Variants in FAM118B observed in about 807,000 individuals in gnomAD.
The protein encoded by FAM118B is protein FAM118B.
In FAM118B, 24 loss-of-function variants were observed where a neutral mutation model predicts 38.5. That is an observed-to-expected ratio of 0.62 (90% CI 0.45 to 0.88). The LOEUF is 0.88. Ranked by LOEUF, FAM118B falls within the 40% of genes least tolerant of loss-of-function variation. The probability of loss-of-function intolerance (pLI) is 0.00; values close to 1 mark genes in which losing one functional copy is unlikely to be tolerated. For synonymous variants in FAM118B, 138 were observed against 156.3 expected, an observed-to-expected ratio of 0.88 and a Z score of 0.87; for missense variants, 334 against 420.0, an observed-to-expected ratio of 0.80 and a Z score of 1.79.
chr11:126,261,317 A>G, intron 7 of FAM118B, 108 bp from the exon 8 acceptor site: 1 of 822,314 alleles, frequency 1.2e-6, no homozygotes, highest in Non-Finnish European at 2.0e-6. Flanking sequence ...CTAAATGCCC[A>G]TTCCTTTTCA....
Position 126,244,833 on chromosome 11 carries a change from T to A in FAM118B, c.339+3789T>A, listed in dbSNP as rs563626376. Among the ~76,000 whole-genome samples the A allele has an allele frequency of 6.6e-6, 1 of 152,144 alleles. No individual in the cohort carries two copies. The highest frequency in any genetic ancestry group is 2.4e-5 in the African/African-American group (1 of 41,498). ...AATAAATAAATAAGTGGAGAACTTA[T>A]GCTTTGAAAACTACAAAACACTGAA... On this transcript the variant is annotated intron_variant, in intron 4 of 8. Transcript: ENST00000533050. This position sits in a 1 kb window ranked among gnomAD's most constrained non-coding sequence, Gnocchi z 4.5.
intron 2 of FAM118B, among the ~76,000 whole-genome samples, chr11:126,231,141 A>G (rs1242438517): frequency 6.6e-6 from 1 of 152,102 alleles, no homozygotes; most frequent in Admixed American, 6.6e-5. Flanking sequence ...CTCATCTTTT[A>G]CCAAGTATCT....
Position 126,244,512 on chromosome 11 carries a change from A to G in FAM118B, c.339+3468A>G, listed in dbSNP as rs1950397117. 6.6e-6 allele frequency among the ~76,000 whole-genome samples: 1 copy of G among 152,246 alleles called. No homozygotes were observed. The highest frequency in any genetic ancestry group is 1.9e-4 in the East Asian group (1 of 5,200). ...TAGCTAGGAATAAATTTAACGAAAG[A>G]AGTACAGAAGGCTAGGCGTGGTGGC... On this transcript the variant is annotated intron_variant, in intron 4 of 8. Transcript: ENST00000533050. This position sits in a 1 kb window ranked among gnomAD's most constrained non-coding sequence, Gnocchi z 4.5.
chr11:126,235,493 G>A (rs1378781655), intron 3 of FAM118B, among the ~76,000 whole-genome samples: 1 of 150,570 alleles, frequency 6.6e-6, no homozygotes, highest in African/African-American at 2.4e-5. Flanking sequence ...CCATGTTCTT[G>A]TATGTTTGTG....
chr11:126,235,750 A>AC (rs1950266009), intron 3 of FAM118B, among the ~76,000 whole-genome samples: 1 of 152,020 alleles, frequency 6.6e-6, no homozygotes, highest in African/African-American at 2.4e-5. Context: ...CGAACCCCTG[A>AC]CCTCGTGATC....
At chr11:126,224,824 T>C (rs1950118531) in intron 1 of FAM118B, among the ~76,000 whole-genome samples, 1 of 152,154 alleles carries the variant, frequency 6.6e-6, no homozygotes, top group Non-Finnish European at 1.5e-5. Context: ...TAGGAATGCG[T>C]TTCTCCTCAG....
In FAM118B at chr11:126,250,697, A is replaced by G. The variant is rs761597883; in HGVS notation, c.531A>G (p.Lys177=). The G allele has an allele frequency of 2.5e-6, 4 of 1,614,106 alleles. No homozygotes were observed. ...LLELYAADQG[K]QLESLDLTDE... Reference sequence around the variant, plus strand: ...AACTGTATGCAGCAGATCAGGGGAAACAGCTTGAATCCCTTGACCTTACTG... The same window carrying G: ...AACTGTATGCAGCAGATCAGGGGAAGCAGCTTGAATCCCTTGACCTTACTG... The change falls in exon 5 of 9, where the codon AAA becomes AAG. Residue 177 remains lysine, a synonymous_variant. Coordinates refer to ENST00000533050, the MANE Select transcript of FAM118B (RefSeq NM_024556.4). The surrounding 1 kb of genome is among the most constrained non-coding windows in gnomAD (Gnocchi z 5.1).
chr11:126,235,825 A>C (rs1480401114), intron 3 of FAM118B, among the ~76,000 whole-genome samples: 1 of 140,118 alleles, frequency 7.1e-6, no homozygotes, highest in Non-Finnish European at 1.5e-5. Context: ...GGCCTGGTTC[A>C]ATCCACTTTT....
Position 126,255,490 on chromosome 11 carries a change from T to TC in FAM118B, c.696+1057_696+1058insC, listed in dbSNP as rs1565340074. ...CTGTGTTTTTGTGTGTGTATATGTA[T>TC]ACACACACACACACATACTGATGTT... On this transcript the variant is annotated intron_variant, in intron 6 of 8. Coordinates refer to ENST00000533050, the MANE Select transcript of FAM118B (RefSeq NM_024556.4). The surrounding 1 kb of genome is among the most constrained non-coding windows in gnomAD (Gnocchi z 4.6). Among the ~76,000 whole-genome samples the TC allele has an allele frequency of 6.6e-6, 1 of 151,616 alleles. No homozygotes were observed. Among genetic ancestry groups the TC allele is most frequent in the African/African-American group, 2.4e-5 (1 of 41,280 alleles).
Position 126,249,731 on chromosome 11 carries a change from CAAAAAAAAAA to C in FAM118B, c.340-761_340-752del, listed in dbSNP as rs71048775. ...TGGGTGACAGAATGAGACTCCGTCT[CAAAAAAAAAA>C]AAAAAAAAAAAAAGAAAAAGAAAAG... On this transcript the variant is annotated intron_variant, in intron 4 of 8. Coordinates refer to ENST00000533050, the MANE Select transcript of FAM118B (RefSeq NM_024556.4). 3.8e-5 allele frequency among the ~76,000 whole-genome samples: 3 copies of C among 79,004 alleles called. No individual in the cohort carries two copies. The East Asian group carries it at 1.2e-3, about 31-fold the overall frequency. 51.8% of individuals were successfully genotyped at this position (79,004 alleles called of 152,430 possible). A position where few individuals can be genotyped will look rare whatever the true frequency, so the allele number is the denominator to read the frequency against.
At chr11:126,236,630 A>G (rs1950277972) in intron 3 of FAM118B, among the ~76,000 whole-genome samples, 1 of 152,188 alleles carries the variant, frequency 6.6e-6, no homozygotes, top group Non-Finnish European at 1.5e-5. Flanking sequence ...ACTTTGGAGA[A>G]GTTGACTTAT....
intron 4 of FAM118B, among the ~76,000 whole-genome samples, chr11:126,246,616 T>A (rs1371592588): frequency 1.3e-5 from 2 of 152,152 alleles, no homozygotes; most frequent in Non-Finnish European, 2.9e-5. Flanking sequence ...TTTCTTTCTT[T>A]TTTTAAATAG....
chr11:126,256,962 C>A lies in FAM118B; in HGVS notation c.982+110C>A. 8.7e-7 allele frequency: 1 copy of A among 1,147,082 alleles called. No individual in the cohort carries two copies. Among genetic ancestry groups the A allele is most frequent in the Non-Finnish European group, 1.2e-6 (1 of 807,002 alleles). The allele number at this position is 1,147,082 out of a possible 1,614,324, so 71.1% of individuals were successfully genotyped here. A position where few individuals can be genotyped will look rare whatever the true frequency, so the allele number is the denominator to read the frequency against. ...GTTGCCAAGATGAGGAATGTAATGA[C>A]TGACCAAATTGTAAAGGAGGCCACA... On this transcript the variant is annotated intron_variant, in intron 7 of 8. Coordinates refer to ENST00000533050, the MANE Select transcript of FAM118B (RefSeq NM_024556.4). This position sits in a 1 kb window ranked among gnomAD's most constrained non-coding sequence, Gnocchi z 6.6.
intron 4 of FAM118B, among the ~76,000 whole-genome samples, chr11:126,249,782 A>G (rs967343229): frequency 6.6e-6 from 1 of 151,386 alleles, no homozygotes; most frequent in African/African-American, 2.4e-5. Context: ...GCCAAACCAC[A>G]ATTAGGGCTG....
At chr11:126,242,177 A>G (rs1265576413) in intron 4 of FAM118B, among the ~76,000 whole-genome samples, 3 of 152,174 alleles carry the variant, frequency 2.0e-5, no homozygotes, top group Non-Finnish European at 2.9e-5. Context: ...AAATTTCATG[A>G]CTGGATCTGG....
At chr11:126,232,552 C>T (rs575630567) in intron 2 of FAM118B, among the ~76,000 whole-genome samples, 15 of 151,944 alleles carry the variant, frequency 9.9e-5, no homozygotes, top group Non-Finnish European at 2.2e-4. Flanking sequence ...ACTTTCATCT[C>T]TCTCAATATA....
intron 1 of FAM118B, among the ~76,000 whole-genome samples, chr11:126,223,552 C>T (rs1160348485): frequency 2.7e-5 from 4 of 149,726 alleles, no homozygotes; most frequent in East Asian, 2.0e-4. Flanking sequence ...GAGCCGAGAT[C>T]GCCACTGCAC....
intron 1 of FAM118B, among the ~76,000 whole-genome samples, chr11:126,228,520 G>A (rs535698621): frequency 5.9e-4 from 90 of 152,018 alleles, no homozygotes; most frequent in African/African-American, 2.1e-3. Context: ...TTTATGGCAG[G>A]AAAGTCTTCC....
At chr11:126,251,028 A>G (rs886188837) in intron 5 of FAM118B, among the ~76,000 whole-genome samples, 1 of 152,222 alleles carries the variant, frequency 6.6e-6, no homozygotes, top group Admixed American at 6.5e-5. Context: ...ACTTGACAGT[A>G]TTCAGTGGTG....
Sources: allele counts gnomAD v4.1 joint callset (sites outside exome capture counted in the v4.1 genomes callset), GRCh38; gene constraint gnomAD v4.1.1; non-coding constraint Gnocchi (gnomAD v3.1); transcripts MANE v1.5; gene names NCBI Gene and HGNC (gene_info 2026-07-23, HGNC 2026-07-21).